The following PCDHA1 variants were observed in gnomAD, a reference collection of about 807,000 sequenced individuals.
PCDHA1 encodes protocadherin alpha 1.
In PCDHA1, 42 loss-of-function variants were observed where a neutral mutation model predicts 61.3. That is an observed-to-expected ratio of 0.69 (90% CI 0.54 to 0.89). The LOEUF (loss-of-function observed/expected upper bound fraction) is 0.89, where lower values mean the gene tolerates loss of function less well. Ranked by LOEUF, PCDHA1 falls within the 40% of genes least tolerant of loss-of-function variation. The probability of loss-of-function intolerance (pLI) is 0.00; values close to 1 mark genes in which losing one functional copy is unlikely to be tolerated. For missense variants in PCDHA1, 1,256 were observed against 1,235.3 expected, an observed-to-expected ratio of 1.02 and a Z score of -0.25; for synonymous variants, 610 against 553.8, an observed-to-expected ratio of 1.10 and a Z score of -1.43.
chr5:140,864,430 A>G (rs2048477187), intron 1 of PCDHA1: 1 of 152,190 alleles, frequency 6.6e-6, no homozygotes, highest in South Asian at 2.1e-4. Flanking sequence ...GTCCACAAAC[A>G]ATTTTGTTTC....
intron 1 of PCDHA1, among the ~76,000 whole-genome samples, chr5:140,946,679 C>T (rs556487333): frequency 4.1e-5 from 6 of 144,812 alleles, no homozygotes; most frequent in East Asian, 4.0e-4. Flanking sequence ...TCCTGTCATT[C>T]GTGACAATAT....
intron 1 of PCDHA1, among the ~76,000 whole-genome samples, chr5:140,902,516 G>C (rs1410717975): frequency 6.6e-6 from 1 of 151,990 alleles, no homozygotes; most frequent in Non-Finnish European, 1.5e-5. Context: ...GTCATATATG[G>C]TTTTTATTAT....
chr5:140,858,149 G>C, intron 1 of PCDHA1: 1 of 1,597,572 alleles, frequency 6.3e-7, no homozygotes, highest in Non-Finnish European at 8.6e-7. Context: ...CCTGATCATC[G>C]CCATCTGCGC....
At chr5:140,985,086 T>C (rs564487119) in intron 3 of PCDHA1, among the ~76,000 whole-genome samples, 1 of 152,000 alleles carries the variant, frequency 6.6e-6, no homozygotes, top group Non-Finnish European at 1.5e-5. Context: ...TACAGGCGTG[T>C]GCCACCAAGC....
At chr5:140,796,157 T>C in intron 1 of PCDHA1, 1 of 1,614,202 alleles carries the variant, frequency 6.2e-7, no homozygotes, top group Non-Finnish European at 8.5e-7. Context: ...TTCAAGCTGG[T>C]GTCCACCTTC....
chr5:140,811,945 T>C (rs189961748), intron 1 of PCDHA1: 1 of 152,198 alleles, frequency 6.6e-6, no homozygotes, highest in South Asian at 2.1e-4. Context: ...TCCCATTCTG[T>C]AGGTTGCCTG....
rs145195613 is a variant in PCDHA1, at chr5:140,845,173, T to C, written c.2394+56489T>C. Among the ~76,000 whole-genome samples, 10 of 149,788 alleles carry C rather than the reference T, an allele frequency of 6.7e-5. No individual in the cohort carries two copies. The East Asian group carries it at 1.7e-3, about 26-fold the overall frequency. On this transcript the variant is annotated intron_variant, in intron 1 of 3. Transcript: ENST00000504120. ...GTGTAAAAGCGAATTGTTTTCATTTTAGTCCTTTAAAAAATATGATTGTTT... is the reference window on the plus strand; with the variant it reads ...GTGTAAAAGCGAATTGTTTTCATTTCAGTCCTTTAAAAAATATGATTGTTT...
intron 1 of PCDHA1, chr5:140,825,598 A>G (rs1581824463): frequency 6.6e-6 from 1 of 151,392 alleles, no homozygotes; most frequent in Admixed American, 6.6e-5. Context: ...AATTTTTTGT[A>G]TTTACTAGAG....
rs145968482 is a variant in PCDHA1, at chr5:140,977,336, C to G, written c.2395-1613C>G. Among the ~76,000 whole-genome samples, 133 of 152,262 alleles carry G rather than the reference C, an allele frequency of 8.7e-4. 2 individuals carry two copies. The highest frequency in any genetic ancestry group is 3.9e-4 in the East Asian group (2 of 5,188). On this transcript the variant is annotated intron_variant, in intron 1 of 3. Coordinates refer to ENST00000504120, the MANE Select transcript of PCDHA1 (RefSeq NM_018900.4). Reference sequence around the variant, plus strand: ...GTGCTCCTGATGGCGAGGGGAGAGACGGTGATGATGACTGATTGATAAAAA... The same window carrying G: ...GTGCTCCTGATGGCGAGGGGAGAGAGGGTGATGATGACTGATTGATAAAAA...
intron 1 of PCDHA1, among the ~76,000 whole-genome samples, chr5:140,902,546 A>G (rs1456804685): frequency 6.6e-6 from 1 of 152,088 alleles, no homozygotes; most frequent in Non-Finnish European, 1.5e-5. Context: ...TGTTCCTTCT[A>G]TACCCAGATT....
At chr5:140,843,304 C>G (rs2150356889) in intron 1 of PCDHA1, 4 of 1,595,876 alleles carry the variant, frequency 2.5e-6, no homozygotes, top group Middle Eastern at 1.7e-4. Context: ...CGCTGACCGC[C>G]ACGGCCACGG....
chr5:140,845,820 T>C (rs1305062554), intron 1 of PCDHA1, among the ~76,000 whole-genome samples: 1 of 149,606 alleles, frequency 6.7e-6, no homozygotes, highest in African/African-American at 2.4e-5. Flanking sequence ...ATAATAAAAT[T>C]TAGTTATTAC....
intron 1 of PCDHA1, among the ~76,000 whole-genome samples, chr5:140,963,916 T>A (rs186370400): frequency 2.0e-5 from 3 of 152,356 alleles, no homozygotes; most frequent in East Asian, 3.9e-4. Flanking sequence ...AAGCTTAGGC[T>A]AAGTAACATG....
intron 1 of PCDHA1, among the ~76,000 whole-genome samples, chr5:140,897,430 C>A (rs1297820601): frequency 6.7e-6 from 1 of 148,618 alleles, no homozygotes; most frequent in East Asian, 2.0e-4. Flanking sequence ...TGAGTGAGAA[C>A]ATGCAGTGTT....
At chr5:140,890,629 A>G (rs6883083) in intron 1 of PCDHA1, among the ~76,000 whole-genome samples, 2 of 152,158 alleles carry the variant, frequency 1.3e-5, no homozygotes, top group Admixed American at 1.3e-4. Context: ...AAAATTAAGC[A>G]TGTATCCTTG....
At chr5:140,966,758 C>T in intron 1 of PCDHA1, 1 of 1,445,334 alleles carries the variant, frequency 6.9e-7, no homozygotes, top group South Asian at 1.5e-5. Flanking sequence ...TCCGCCGCGG[C>T]CAGTGGCTAT....
chr5:140,950,086 T>G (rs1178086288), intron 1 of PCDHA1, among the ~76,000 whole-genome samples: 1 of 151,946 alleles, frequency 6.6e-6, no homozygotes, highest in Non-Finnish European at 1.5e-5. Flanking sequence ...TATGCTATAG[T>G]TTTCATTTGT....
At chr5:140,885,917 T>G (rs2060772831) in intron 1 of PCDHA1, among the ~76,000 whole-genome samples, 1 of 152,212 alleles carries the variant, frequency 6.6e-6, no homozygotes, top group Non-Finnish European at 1.5e-5. Flanking sequence ...TTATAGATAT[T>G]AACTGTTTAT....
chr5:141,010,403 G>T lies in PCDHA1; in HGVS notation c.*466G>T. ...ATATTGGCTGAGACGAGCCAGCTTA[G>T]ACTAATTGGTACAAGGAAGGCAAGA... On this transcript the variant is annotated 3_prime_UTR_variant, in exon 4 of 4. Transcript: ENST00000504120. 2 of 1,285,614 alleles carry T rather than the reference G, an allele frequency of 1.6e-6. No individual in the cohort carries two copies. Among genetic ancestry groups the T allele is most frequent in the Non-Finnish European group, 2.1e-6 (2 of 956,000 alleles). The allele number at this position is 1,285,614 out of a possible 1,614,324, so 79.6% of individuals were successfully genotyped here. A position where few individuals can be genotyped will look rare whatever the true frequency, so the allele number is the denominator to read the frequency against.
Sources: gnomAD v4.1 joint callset for allele counts (sites outside exome capture counted in the v4.1 genomes callset) on GRCh38, gnomAD v4.1.1 for gene constraint, MANE v1.5 for transcripts, NCBI Gene and HGNC (gene_info 2026-07-23, HGNC 2026-07-21) for gene names.